The following EYS variants were observed in gnomAD, a reference collection of about 807,000 sequenced individuals.
EYS encodes EGF-like photoreceptor maintenance factor.
A neutral mutation model predicts 282.1 loss-of-function variants in EYS; 250 were observed. That is an observed-to-expected ratio of 0.89 (90% CI 0.80 to 0.98). EYS has a LOEUF of 0.98. Among genes scored for constraint, EYS ranks in the 50% least tolerant of loss-of-function variants. The probability of loss-of-function intolerance (pLI) is 0.00; values close to 1 mark genes in which losing one functional copy is unlikely to be tolerated. For synonymous variants in EYS, 1,355 were observed against 1,282.9 expected (o/e 1.06, Z -1.20); for missense variants, 4,016 against 3,709.0 (o/e 1.08, Z -2.15).
At chr6:65,079,970 AT>A (rs1297139152) in intron 12 of EYS, among the ~76,000 whole-genome samples, 12 of 152,226 alleles carry the variant, frequency 7.9e-5, no homozygotes, top group African/African-American at 2.9e-4. Flanking sequence ...ATAATGGTGC[AT>A]TTTTATTACT....
Position 65,120,624 on chromosome 6 carries a change from T to G in EYS, c.2024-62897A>C, listed in dbSNP as rs573681406. On this transcript the variant is annotated intron_variant, in intron 12 of 42. Transcript: ENST00000503581. ...TGGAATAGACAAGATTCTGCACTTC[T>G]AAAACCTCAGAGGGACTCCAGTGCT... Among the ~76,000 whole-genome samples, 11 of 152,238 alleles carry G rather than the reference T, an allele frequency of 7.2e-5. 2 individuals are homozygous for G. The highest frequency in any genetic ancestry group is 2.6e-4 in the African/African-American group (11 of 41,556).
At chr6:64,545,253 G>T (rs1212042040) in intron 26 of EYS, among the ~76,000 whole-genome samples, 3 of 152,096 alleles carry the variant, frequency 2.0e-5, no homozygotes, top group Admixed American at 1.3e-4. Flanking sequence ...GATATAAACA[G>T]AACCAACGAC....
At chr6:64,686,754 T>G (rs1229883183) in intron 22 of EYS, among the ~76,000 whole-genome samples, 1 of 27,154 alleles carries the variant, frequency 3.7e-5, no homozygotes, top group African/African-American at 8.4e-5. Context: ...TATATATATA[T>G]ATATATATGT....
intron 5 of EYS, among the ~76,000 whole-genome samples, chr6:65,423,367 G>T (rs1056370917): frequency 1.3e-5 from 2 of 151,878 alleles, no homozygotes; most frequent in African/African-American, 4.8e-5. Context: ...CAGGTAATTT[G>T]TTAAAATGTA....
intron 2 of EYS, among the ~76,000 whole-genome samples, chr6:65,507,712 T>C (rs1024383626): frequency 3.9e-5 from 6 of 152,168 alleles, no homozygotes; most frequent in African/African-American, 1.4e-4. Context: ...TTTCTACCTA[T>C]GTCCATTCTC....
At chr6:63,802,752 A>C (rs1381767529) in intron 37 of EYS, among the ~76,000 whole-genome samples, 2 of 151,798 alleles carry the variant, frequency 1.3e-5, no homozygotes, top group Non-Finnish European at 3.0e-5. Flanking sequence ...ATTTAAAGAA[A>C]AAGCTCTTTA....
chr6:64,590,752 T>C lies in EYS; in HGVS notation c.5115A>G (p.Arg1705=). 9.0e-6 allele frequency: 14 copies of C among 1,550,980 alleles called. No homozygotes were observed. Among genetic ancestry groups the C allele is most frequent in the Non-Finnish European group, 1.1e-5 (13 of 1,146,472 alleles). The change falls in exon 26 of 43, where the codon AGA becomes AGG. Residue 1705 remains arginine, a synonymous_variant. Coordinates refer to ENST00000503581, the MANE Select transcript of EYS (RefSeq NM_001142800.2). ...SENILKLLKI[R]QYGITMGPTE... is the part of the protein sequence containing the mutation. ...TGGGTCCCATAGTTATGCCATATTG[T>C]CTTATTTTCAATAGTTTTAAAATGT... is the stretch of plus-strand genomic sequence containing the variant.
chr6:64,388,578 TG>T, intron 29 of EYS, 111 bp downstream of exon 29: 1 of 964,992 alleles, frequency 1.0e-6, no homozygotes, highest in Non-Finnish European at 1.4e-6. Flanking sequence ...ACCATGCAGA[TG>T]GCCCCACTAG....
chr6:64,876,177 T>C (rs1346917505), intron 19 of EYS, among the ~76,000 whole-genome samples: 2 of 152,084 alleles, frequency 1.3e-5, no homozygotes, highest in Non-Finnish European at 2.9e-5. Flanking sequence ...ATTAATGTTA[T>C]ATACTCACAT....
At chr6:64,345,489 G>A (rs943823498) in intron 29 of EYS, among the ~76,000 whole-genome samples, 28 of 152,068 alleles carry the variant, frequency 1.8e-4, no homozygotes, top group Admixed American at 1.3e-3. Flanking sequence ...GGGAAAACTG[G>A]CTAGCCATAT....
intron 31 of EYS, among the ~76,000 whole-genome samples, chr6:64,218,020 G>A (rs906712923): frequency 2.6e-5 from 4 of 152,102 alleles, no homozygotes; most frequent in Non-Finnish European, 5.9e-5. Flanking sequence ...GAGACTTCTT[G>A]GGAGGACTAG....
intron 13 of EYS, among the ~76,000 whole-genome samples, chr6:65,043,745 GCATATATATAT>G (rs1773012073): frequency 6.6e-6 from 1 of 151,168 alleles, no homozygotes; most frequent in African/African-American, 2.4e-5. Flanking sequence ...TTTCATTTAT[GCATATATATAT>G]ATGACATTTT....
intron 34 of EYS, among the ~76,000 whole-genome samples, chr6:63,990,124 C>T (rs991932576): frequency 6.6e-6 from 1 of 151,572 alleles, no homozygotes; most frequent in African/African-American, 2.4e-5. Context: ...TGTGGGATTA[C>T]TCTTGTCTAT....
chr6:65,453,686 C>T lies in EYS; in HGVS notation c.862+36908G>A, dbSNP rs185052271. Among the ~76,000 whole-genome samples, 7 of 151,986 alleles carry T rather than the reference C, an allele frequency of 4.6e-5. No individual in the cohort carries two copies. The East Asian group carries it at 5.8e-4, about 13-fold the overall frequency. On this transcript the variant is annotated intron_variant, in intron 5 of 42. Transcript: ENST00000503581. Reference sequence around the variant, plus strand: ...CCTCAACCTCTCCTCTCCCCTCCCCCCTACAGTCTCTGGTAACCATTGTTC... The same window carrying T: ...CCTCAACCTCTCCTCTCCCCTCCCCTCTACAGTCTCTGGTAACCATTGTTC...
At chr6:63,936,254 C>A (rs1350529658) in intron 35 of EYS, among the ~76,000 whole-genome samples, 2 of 152,208 alleles carry the variant, frequency 1.3e-5, no homozygotes, top group East Asian at 1.9e-4. Flanking sequence ...TGATTGCTGG[C>A]GGATAGGTAT....
intron 19 of EYS, among the ~76,000 whole-genome samples, chr6:64,841,599 A>G (rs1765564864): frequency 6.6e-6 from 1 of 152,132 alleles, no homozygotes; most frequent in Admixed American, 6.6e-5. Flanking sequence ...GAAATCCAGA[A>G]CATTGTCTAC....
Position 64,061,215 on chromosome 6 carries a change from T to A in EYS, c.6725+5123A>T, listed in dbSNP as rs11965717. On this transcript the variant is annotated intron_variant, in intron 33 of 42. Transcript: ENST00000503581. Reference sequence around the variant, plus strand: ...TAGAATAAAGGACACAGGGCTTTTTTAGAGAATAGAATACTGGGTAAAAGT... The same window carrying A: ...TAGAATAAAGGACACAGGGCTTTTTAAGAGAATAGAATACTGGGTAAAAGT... Among the ~76,000 whole-genome samples the A allele has an allele frequency of 5.9e-3, 901 of 152,274 alleles. 9 individuals are homozygous for A. Among genetic ancestry groups the A allele is most frequent in the African/African-American group, 0.02 (824 of 41,542 alleles).
chr6:65,492,725 A>G (rs984113387), intron 4 of EYS, among the ~76,000 whole-genome samples: 7 of 152,148 alleles, frequency 4.6e-5, no homozygotes, highest in African/African-American at 1.4e-4. Flanking sequence ...TCTATCACCA[A>G]TGCCAACACA....
chr6:64,272,517 C>G (rs898891953), intron 30 of EYS, among the ~76,000 whole-genome samples: 1 of 152,116 alleles, frequency 6.6e-6, no homozygotes, highest in South Asian at 2.1e-4. Context: ...GATTTTATTT[C>G]TCCTTCACTT....
Sources: gnomAD v4.1 joint callset for allele counts (sites outside exome capture counted in the v4.1 genomes callset) on GRCh38, gnomAD v4.1.1 for gene constraint, MANE v1.5 for transcripts, NCBI Gene and HGNC (gene_info 2026-07-23, HGNC 2026-07-21) for gene names.